FRAS1: variants seen among roughly 807,000 people sequenced by gnomAD.
FRAS1 encodes extracellular matrix organizing protein FRAS1.
A neutral mutation model predicts 435.2 loss-of-function variants in FRAS1; 290 were observed. That is an observed-to-expected ratio of 0.67 (90% CI 0.61 to 0.73). The LOEUF is 0.73. Ranked by LOEUF, FRAS1 falls within the 30% of genes least tolerant of loss-of-function variation. FRAS1 has a pLI of 0.00. For synonymous variants in FRAS1, 1,800 were observed against 1,851.0 expected, an observed-to-expected ratio of 0.97 and a Z score of 0.71; for missense variants, 4,860 against 5,001.5, an observed-to-expected ratio of 0.97 and a Z score of 0.85.
chr4:78,286,302 C>A (rs1199400310), intron 13 of FRAS1, 103 bp from the exon 14 acceptor site: 1 of 1,307,464 alleles, frequency 7.6e-7, no homozygotes, highest in Non-Finnish European at 1.1e-6. Context: ...CTGTTTGGGA[C>A]CTGGAGCCTC....
chr4:78,203,419 T>C (rs1723126695), intron 2 of FRAS1, among the ~76,000 whole-genome samples: 2 of 152,228 alleles, frequency 1.3e-5, no homozygotes, highest in African/African-American at 4.8e-5. Flanking sequence ...TCAATACTCA[T>C]GGCACTTTTG....
In FRAS1 at chr4:78,218,566, C is replaced by G. The variant is rs571382579; in HGVS notation, c.109-18944C>G. On this transcript the variant is annotated intron_variant, in intron 2 of 73. Transcript: ENST00000512123. ...TTGAAACCTAGGTTCTGACCTAGCT[C>G]CTGGATCTTGTCTAATGGCAGATCT... Among the ~76,000 whole-genome samples, 15 of 152,280 alleles carry G rather than the reference C, an allele frequency of 9.9e-5. No homozygotes were observed. The South Asian group carries it at 2.9e-3, about 29-fold the overall frequency.
intron 29 of FRAS1, among the ~76,000 whole-genome samples, chr4:78,397,165 C>T (rs1396048876): frequency 1.3e-5 from 2 of 152,198 alleles, no homozygotes; most frequent in Non-Finnish European, 2.9e-5. Flanking sequence ...TGGTTACCTA[C>T]TCCAGCCTTT....
intron 20 of FRAS1, among the ~76,000 whole-genome samples, chr4:78,341,201 AT>A (rs1258995670): frequency 6.6e-6 from 1 of 152,146 alleles, no homozygotes; most frequent in Non-Finnish European, 1.5e-5. Flanking sequence ...AATTAGAGGA[AT>A]TTGGAGCTTT....
rs535496763 is a variant in FRAS1 at position 78,115,359 on chromosome 4, G to C, written c.108+49343G>C. On this transcript the variant is annotated intron_variant, in intron 2 of 73. Coordinates refer to ENST00000512123, the MANE Select transcript of FRAS1 (RefSeq NM_025074.7). Reference sequence around the variant, plus strand: ...CTGGCCTCATAAAATAACTTAGGGAGGATTTCCTCTTTTTCTATTGATTGG... The same window carrying C: ...CTGGCCTCATAAAATAACTTAGGGACGATTTCCTCTTTTTCTATTGATTGG... Among the ~76,000 whole-genome samples the C allele has an allele frequency of 1.6e-4, 24 of 152,260 alleles. No individual in the cohort carries two copies. In the East Asian group the frequency reaches 4.6e-3, roughly 29 times the overall value.
At chr4:78,384,421 G>A (rs924078592) in intron 28 of FRAS1, among the ~76,000 whole-genome samples, 2 of 152,090 alleles carry the variant, frequency 1.3e-5, no homozygotes, top group African/African-American at 4.8e-5. Context: ...AGGTATTATT[G>A]TCTCCAATTT....
intron 17 of FRAS1, 83 bp downstream of exon 17, chr4:78,317,591 G>A (rs975630972): frequency 1.5e-5 from 19 of 1,303,170 alleles, no homozygotes; most frequent in Non-Finnish European, 1.9e-5. Flanking sequence ...TAACTTTCCA[G>A]TGTAACTTTT....
intron 42 of FRAS1, 39 bp downstream of exon 42, chr4:78,445,751 C>T (rs368152555): frequency 1.9e-6 from 3 of 1,611,322 alleles, no homozygotes. Flanking sequence ...AGCCCTTGAC[C>T]ACAATATTTC....
chr4:78,063,141 G>A (rs1390501914), intron 1 of FRAS1, among the ~76,000 whole-genome samples: 1 of 152,064 alleles, frequency 6.6e-6, no homozygotes, highest in Non-Finnish European at 1.5e-5. Flanking sequence ...ATAATGAGTC[G>A]AGAGATGAAT....
In FRAS1 at chr4:78,364,069, T is replaced by C; in HGVS notation, c.2722+15T>C. Reference sequence around the variant, plus strand: ...TGTTTGCCAGCGTAGGTTTTTCCAATGAACCTTCTCTCCTTTCCTTCTTTT... The same window carrying C: ...TGTTTGCCAGCGTAGGTTTTTCCAACGAACCTTCTCTCCTTTCCTTCTTTT... On this transcript the variant is annotated intron_variant, in intron 22 of 73. Coordinates refer to ENST00000512123, the MANE Select transcript of FRAS1 (RefSeq NM_025074.7). The C allele has an allele frequency of 6.4e-7, 1 of 1,566,200 alleles. No individual in the cohort carries two copies. Among genetic ancestry groups the C allele is most frequent in the Non-Finnish European group, 8.7e-7 (1 of 1,154,642 alleles).
chr4:78,354,414 T>C (rs1447292224), intron 20 of FRAS1, among the ~76,000 whole-genome samples: 1 of 152,202 alleles, frequency 6.6e-6, no homozygotes, highest in African/African-American at 2.4e-5. Flanking sequence ...GAATACATGA[T>C]TTGTAACAGC....
At position 78,295,083 on chromosome 4, in the gene FRAS1, C is replaced by T. The variant is rs144986092; in HGVS notation, c.1534+8544C>T. On this transcript the variant is annotated intron_variant, in intron 14 of 73. Transcript: ENST00000512123. ...TTGCTTTATGTTATTACTTATCCTT[C>T]TACAACATCTTTTTAAACCTGTTGT... Among the ~76,000 whole-genome samples, 535 of 152,156 alleles carry T rather than the reference C, an allele frequency of 3.5e-3. 9 individuals are homozygous for T. Among genetic ancestry groups the T allele is most frequent in the African/African-American group, 0.012 (506 of 41,506 alleles).
chr4:78,116,053 G>A (rs1254990436), intron 2 of FRAS1, among the ~76,000 whole-genome samples: 3 of 152,154 alleles, frequency 2.0e-5, no homozygotes, highest in Non-Finnish European at 1.5e-5. Flanking sequence ...TGGTTTCAAA[G>A]AACATCTTTA....
At chr4:78,516,695 G>T (rs967200432) in intron 66 of FRAS1, among the ~76,000 whole-genome samples, 1 of 152,208 alleles carries the variant, frequency 6.6e-6, no homozygotes. Flanking sequence ...AGGGGAAGCA[G>T]ACATGTCTTA....
chr4:78,318,770 G>A (rs752063497), intron 17 of FRAS1, 40 bp from the exon 18 acceptor site: 3 of 1,516,380 alleles, frequency 2.0e-6, no homozygotes, highest in Admixed American at 4.2e-5. Flanking sequence ...ACATATATTT[G>A]ATCCTTGGAT....
chr4:78,356,684 C>A (rs1053180015), intron 20 of FRAS1, among the ~76,000 whole-genome samples: 2 of 152,072 alleles, frequency 1.3e-5, no homozygotes, highest in Non-Finnish European at 2.9e-5. Flanking sequence ...CAGTTAGGAG[C>A]CTGCTTTCCT....
chr4:78,246,542 G>A (rs1725258696), intron 4 of FRAS1, among the ~76,000 whole-genome samples: 2 of 152,226 alleles, frequency 1.3e-5, no homozygotes, highest in Non-Finnish European at 2.9e-5. Context: ...CCTGTGTTAT[G>A]TAGGGTGGTG....
chr4:78,424,783 A>G (rs1057484077), intron 35 of FRAS1, among the ~76,000 whole-genome samples: 4 of 152,164 alleles, frequency 2.6e-5, no homozygotes, highest in Admixed American at 1.3e-4. Flanking sequence ...CTATAAAAAA[A>G]AAAAACAACT....
intron 2 of FRAS1, among the ~76,000 whole-genome samples, chr4:78,074,612 G>C (rs1740540481): frequency 6.6e-6 from 1 of 152,034 alleles, no homozygotes; most frequent in Non-Finnish European, 1.5e-5. Flanking sequence ...TCCTGATTTT[G>C]TTGCAGTTTC....
Sources: allele counts gnomAD v4.1 joint callset (sites outside exome capture counted in the v4.1 genomes callset), GRCh38; gene constraint gnomAD v4.1.1; transcripts MANE v1.5; gene names NCBI Gene and HGNC (gene_info 2026-07-23, HGNC 2026-07-21).